The following RNF144B variants were observed in gnomAD, a reference collection of about 807,000 sequenced individuals.
RNF144B encodes the protein ring finger protein 144B.
Under a neutral mutation model 40.2 loss-of-function variants are expected in RNF144B, and 25 were observed. The ratio of observed to expected loss-of-function variants is 0.62; its 90% CI spans 0.45 to 0.87. The LOEUF is 0.87. RNF144B is among the 40% of genes least tolerant of loss of function. The pLI, the probability that RNF144B is intolerant of heterozygous loss-of-function variation, is 0.00. For synonymous variants in RNF144B, 145 were observed against 136.3 expected, an observed-to-expected ratio of 1.06 and a Z score of -0.44; for missense variants, 365 against 373.7, an observed-to-expected ratio of 0.98 and a Z score of 0.19.
At position 18,414,597 on chromosome 6, in the gene RNF144B, C is replaced by T. The variant is rs111484420; in HGVS notation, c.166-12984C>T. 1.0e-3 allele frequency among the ~76,000 whole-genome samples: 152 copies of T among 151,922 alleles called. No individual in the cohort carries two copies. The highest frequency in any genetic ancestry group is 2.2e-3 in the Admixed American group (33 of 15,260). ...AAAAATGTTTTAATTTGTATAGATACGTAGTAGGTATATATATGATTAGTT... is the reference window on the plus strand; with the variant it reads ...AAAAATGTTTTAATTTGTATAGATATGTAGTAGGTATATATATGATTAGTT... On this transcript the variant is annotated intron_variant, in intron 2 of 7. Transcript: ENST00000259939. The surrounding 1 kb of genome is among the most constrained non-coding windows in gnomAD (Gnocchi z 4.9).
rs1207924885 is a variant in RNF144B at position 18,444,139 on chromosome 6, C to A, written c.331+4395C>A. Among the ~76,000 whole-genome samples, 2 of 152,158 alleles carry A rather than the reference C, an allele frequency of 1.3e-5. No individual in the cohort carries two copies. The highest frequency in any genetic ancestry group is 2.4e-5 in the African/African-American group (1 of 41,448). ...TATTTGCTCAGCTTGTCCTTTATGT[C>A]TTTAAGTCTGACGGAAAATATTTTG... On this transcript the variant is annotated intron_variant, in intron 4 of 7. Coordinates refer to ENST00000259939, the MANE Select transcript of RNF144B (RefSeq NM_182757.4). This position sits in a 1 kb window ranked among gnomAD's most constrained non-coding sequence, Gnocchi z 4.3.
rs1053406142 is a variant in RNF144B, at chr6:18,465,517, A to G, written c.*450A>G. The G allele has an allele frequency of 1.3e-5, 2 of 158,062 alleles. No homozygotes were observed. The highest frequency in any genetic ancestry group is 2.4e-5 in the African/African-American group (1 of 41,552). 9.8% of individuals were successfully genotyped at this position (158,062 alleles called of 1,614,324 possible). On this transcript the variant is annotated 3_prime_UTR_variant, in exon 8 of 8. Transcript: ENST00000259939. ...CAGGGGAAACCTGATGAGGAGAAGG[A>G]TAAGACTGCGTAAGGAGAAATCCTC...
At chr6:18,429,474 G>A (rs1562050250) in intron 3 of RNF144B, among the ~76,000 whole-genome samples, 1 of 152,154 alleles carries the variant, frequency 6.6e-6, no homozygotes, top group Non-Finnish European at 1.5e-5. Flanking sequence ...TTGATTAGTG[G>A]CTGAGTGCTA....
Position 18,410,048 on chromosome 6 carries a change from T to A in RNF144B, c.165+10349T>A, listed in dbSNP as rs1795003574. Among the ~76,000 whole-genome samples the A allele has an allele frequency of 6.6e-6, 1 of 152,188 alleles. No individual in the cohort carries two copies. The highest frequency in any genetic ancestry group is 1.5e-5 in the Non-Finnish European group (1 of 68,040). ...GTGTAGACTTTTCCCCCCTTAAGCATGCCTTTGCCAAAGTTTAATTCTTCA... is the reference window on the plus strand; with the variant it reads ...GTGTAGACTTTTCCCCCCTTAAGCAAGCCTTTGCCAAAGTTTAATTCTTCA... On this transcript the variant is annotated intron_variant, in intron 2 of 7. Coordinates refer to ENST00000259939, the MANE Select transcript of RNF144B (RefSeq NM_182757.4). This position sits in a 1 kb window ranked among gnomAD's most constrained non-coding sequence, Gnocchi z 4.6.
In RNF144B at chr6:18,428,703, C is replaced by T. The variant is rs1005208789; in HGVS notation, c.270+1018C>T. Among the ~76,000 whole-genome samples, 10 of 152,228 alleles carry T rather than the reference C, an allele frequency of 6.6e-5. 1 individual carries two copies. Among genetic ancestry groups the T allele is most frequent in the African/African-American group, 2.4e-4 (10 of 41,530 alleles). ...ACCTGCTTTGCACCAGGCACCACCA[C>T]CCCCCAGTTGTTTTCATTGCCAGTA... On this transcript the variant is annotated intron_variant, in intron 3 of 7. Coordinates refer to ENST00000259939, the MANE Select transcript of RNF144B (RefSeq NM_182757.4).
chr6:18,405,003 C>T lies in RNF144B; in HGVS notation c.165+5304C>T, dbSNP rs1435923546. The stretch of plus-strand genomic sequence containing the variant: ...GGTCATGAGACCTGCCAACCTTTCC[C>T]AAAGCTTTCAAATTCTCCAGCTCCA... On this transcript the variant is annotated intron_variant, in intron 2 of 7. Transcript: ENST00000259939. The surrounding 1 kb of genome is among the most constrained non-coding windows in gnomAD (Gnocchi z 4.5). 1.3e-5 allele frequency among the ~76,000 whole-genome samples: 2 copies of T among 152,076 alleles called. No individual in the cohort carries two copies. Among genetic ancestry groups the T allele is most frequent in the East Asian group, 3.9e-4 (2 of 5,178 alleles).
At position 18,460,688 on chromosome 6, in the gene RNF144B, T is replaced by C. The variant is rs539062932; in HGVS notation, c.681+937T>C. ...TCGCTACTGTTTTGACAGTGTTCCC[T>C]TCCCAGATCAAGGGGCTTGGCTTAA... On this transcript the variant is annotated intron_variant, in intron 6 of 7. Transcript: ENST00000259939. The surrounding 1 kb of genome is among the most constrained non-coding windows in gnomAD (Gnocchi z 4.4). Among the ~76,000 whole-genome samples, 50 of 152,306 alleles carry C rather than the reference T, an allele frequency of 3.3e-4. No individual in the cohort carries two copies. Among genetic ancestry groups the C allele is most frequent in the African/African-American group, 1.2e-3 (50 of 41,566 alleles).
chr6:18,461,819 T>C (rs1759462069), intron 6 of RNF144B, among the ~76,000 whole-genome samples: 1 of 151,972 alleles, frequency 6.6e-6, no homozygotes, highest in Non-Finnish European at 1.5e-5. Flanking sequence ...TTTGAGATCA[T>C]GGGGCCAGGA....
At chr6:18,401,516 A>G (rs977267396) in intron 2 of RNF144B, among the ~76,000 whole-genome samples, 1 of 152,220 alleles carries the variant, frequency 6.6e-6, no homozygotes, top group African/African-American at 2.4e-5. Context: ...GTTACCTGTG[A>G]GCTGCCAAAA....
chr6:18,465,110 G>T lies in RNF144B; in HGVS notation c.*43G>T, dbSNP rs1170770822. 3.1e-6 allele frequency: 5 copies of T among 1,603,500 alleles called. No individual in the cohort carries two copies. Among genetic ancestry groups the T allele is most frequent in the Admixed American group, 1.7e-5 (1 of 59,206 alleles). On this transcript the variant is annotated 3_prime_UTR_variant, in exon 8 of 8. Coordinates refer to ENST00000259939, the MANE Select transcript of RNF144B (RefSeq NM_182757.4). ...CGCCCCAGATATGTGAGTTACATGAGATGGCACAGTGATAAAGCCCCATTT... is the reference window on the plus strand; with the variant it reads ...CGCCCCAGATATGTGAGTTACATGATATGGCACAGTGATAAAGCCCCATTT...
Position 18,458,617 on chromosome 6 carries a change from A to C in RNF144B, c.537-990A>C, listed in dbSNP as rs1294237928. Reference sequence around the variant, plus strand: ...GAACTCAGAGGATAGGAGGATTTGCATTCTGACATTGTCACTCGGTATCTG... The same window carrying C: ...GAACTCAGAGGATAGGAGGATTTGCCTTCTGACATTGTCACTCGGTATCTG... On this transcript the variant is annotated intron_variant, in intron 5 of 7. Coordinates refer to ENST00000259939, the MANE Select transcript of RNF144B (RefSeq NM_182757.4). The surrounding 1 kb of genome is among the most constrained non-coding windows in gnomAD (Gnocchi z 4.8). Among the ~76,000 whole-genome samples the C allele has an allele frequency of 6.6e-6, 1 of 152,170 alleles. No individual in the cohort carries two copies. Among genetic ancestry groups the C allele is most frequent in the East Asian group, 1.9e-4 (1 of 5,178 alleles).
chr6:18,419,198 C>A lies in RNF144B; in HGVS notation c.166-8383C>A, dbSNP rs181353135. ...ATCTCTGAAGTTCCTTATCCTCTGT[C>A]CATCCACCCCTCCTCCTCCTGCCTA... On this transcript the variant is annotated intron_variant, in intron 2 of 7. Coordinates refer to ENST00000259939, the MANE Select transcript of RNF144B (RefSeq NM_182757.4). The surrounding 1 kb of genome is among the most constrained non-coding windows in gnomAD (Gnocchi z 4.6). 4.4e-4 allele frequency among the ~76,000 whole-genome samples: 67 copies of A among 152,270 alleles called. No homozygotes were observed. The highest frequency in any genetic ancestry group is 1.6e-3 in the African/African-American group (65 of 41,546).
In RNF144B at chr6:18,419,118, C is replaced by G. The variant is rs1281471569; in HGVS notation, c.166-8463C>G. Among the ~76,000 whole-genome samples, 2 of 152,112 alleles carry G rather than the reference C, an allele frequency of 1.3e-5. No homozygotes were observed. Among genetic ancestry groups the G allele is most frequent in the African/African-American group, 4.8e-5 (2 of 41,430 alleles). On this transcript the variant is annotated intron_variant, in intron 2 of 7. Transcript: ENST00000259939. This position sits in a 1 kb window ranked among gnomAD's most constrained non-coding sequence, Gnocchi z 4.6. ...TCCTCAAATAACTTGGATGGACATT[C>G]AAGTTTGAGAAACATTGTCAGTAAG...
rs759384147 is a variant in RNF144B, at chr6:18,418,506, A to C, written c.166-9075A>C. 5.6e-4 allele frequency among the ~76,000 whole-genome samples: 86 copies of C among 152,310 alleles called. No homozygotes were observed. The highest frequency in any genetic ancestry group is 1.1e-3 in the Non-Finnish European group (76 of 68,006). The stretch of plus-strand genomic sequence containing the variant: ...GTATCATTCCATTTATATGAAATGT[A>C]GAGAGTAGGAAGATCTATACATACA... On this transcript the variant is annotated intron_variant, in intron 2 of 7. Coordinates refer to ENST00000259939, the MANE Select transcript of RNF144B (RefSeq NM_182757.4). This position sits in a 1 kb window ranked among gnomAD's most constrained non-coding sequence, Gnocchi z 5.2.
At chr6:18,396,825 A>G (rs962210249) in intron 1 of RNF144B, 3 of 985,364 alleles carry the variant, frequency 3.0e-6, no homozygotes, top group East Asian at 2.3e-4. Context: ...AGGAAAAGGT[A>G]AAGTCATTCA....
At chr6:18,429,044 G>T (rs761438356) in intron 3 of RNF144B, among the ~76,000 whole-genome samples, 2 of 151,956 alleles carry the variant, frequency 1.3e-5, no homozygotes, top group Non-Finnish European at 2.9e-5. Context: ...ATAAAAATTA[G>T]AAAATTAGCC....
At chr6:18,399,423 C>A in intron 1 of RNF144B, 76 bp from the exon 2 acceptor site, 1 of 1,022,856 alleles carries the variant, frequency 9.8e-7, no homozygotes, top group Non-Finnish European at 1.4e-6. Flanking sequence ...ATTTGATCAG[C>A]TGGCCTCCAG....
intron 2 of RNF144B, among the ~76,000 whole-genome samples, chr6:18,415,354 G>T (rs753946846): frequency 6.6e-6 from 1 of 152,272 alleles, no homozygotes; most frequent in Non-Finnish European, 1.5e-5. Context: ...CAACGTGCTG[G>T]CAGGATTGGT....
chr6:18,461,107 G>A (rs769247801), intron 6 of RNF144B, among the ~76,000 whole-genome samples: 19 of 152,112 alleles, frequency 1.2e-4, no homozygotes, highest in Non-Finnish European at 2.8e-4. Flanking sequence ...CCTGCTTGAT[G>A]TTTAATGGAA....
Sources: gnomAD v4.1 joint callset for allele counts (sites outside exome capture counted in the v4.1 genomes callset) on GRCh38, gnomAD v4.1.1 for gene constraint, Gnocchi (gnomAD v3.1) non-coding constraint, MANE v1.5 for transcripts, NCBI Gene and HGNC (gene_info 2026-07-23, HGNC 2026-07-21) for gene names.